Variants in MFAP5 observed in about 807,000 individuals in gnomAD.
MFAP5 encodes microfibril associated protein 5, also known as microfibrillar-associated protein 5.
In MFAP5, 19 loss-of-function variants were observed where a neutral mutation model predicts 30.1. The ratio of observed to expected loss-of-function variants is 0.63; its 90% CI spans 0.44 to 0.93. The LOEUF is 0.93. Among genes scored for constraint, MFAP5 ranks in the 40% least tolerant of loss-of-function variants. MFAP5 has a pLI of 0.00. For synonymous variants in MFAP5, 92 were observed against 72.9 expected, an observed-to-expected ratio of 1.26 and a Z score of -1.33; for missense variants, 210 against 221.3, an observed-to-expected ratio of 0.95 and a Z score of 0.32.
intron 7 of MFAP5, among the ~76,000 whole-genome samples, chr12:8,651,357 G>T (rs1458712418): frequency 2.6e-5 from 4 of 152,078 alleles, no homozygotes; most frequent in African/African-American, 9.7e-5. Flanking sequence ...TGGTAATATG[G>T]AGTCCTTGAA....
intron 8 of MFAP5, 134 bp from the exon 9 acceptor site, chr12:8,649,708 T>C: frequency 1.5e-6 from 1 of 666,284 alleles, no homozygotes; most frequent in Non-Finnish European, 2.6e-6. Flanking sequence ...CCAACTGTAT[T>C]TTCTTAAGTA....
At position 8,662,471 on chromosome 12, in the gene MFAP5, C is replaced by T. The variant is rs368705220; in HGVS notation, c.-3+156G>A. 3.2e-5 allele frequency: 7 copies of T among 219,792 alleles called. No homozygotes were observed. The East Asian group carries it at 6.8e-4, about 21-fold the overall frequency. 13.6% of individuals were successfully genotyped at this position (219,792 alleles called of 1,614,324 possible). On this transcript the variant is annotated intron_variant, in intron 1 of 9. Coordinates refer to ENST00000359478, the MANE Select transcript of MFAP5 (RefSeq NM_003480.4). ...TTTTCATATCATCTGCTCATCTTGG[C>T]GTCTCCTTCATCAGAATTCCACGGT...
Position 8,661,932 on chromosome 12 carries a change from A to G in MFAP5, c.58+115T>C, listed in dbSNP as rs903322375. 2.4e-5 allele frequency: 24 copies of G among 1,019,938 alleles called. No homozygotes were observed. The African/African-American group carries it at 3.6e-4, about 15-fold the overall frequency. The allele number at this position is 1,019,938 out of a possible 1,614,324, so 63.2% of individuals were successfully genotyped here. ...TCTTCTAATAGGAATTCCAGAGCTC[A>G]ATACCAAGCATCTCTACTGCTATTC... On this transcript the variant is annotated intron_variant, in intron 2 of 9. Coordinates refer to ENST00000359478, the MANE Select transcript of MFAP5 (RefSeq NM_003480.4).
intron 3 of MFAP5, among the ~76,000 whole-genome samples, chr12:8,657,924 G>T (rs562575201): frequency 4.6e-4 from 70 of 152,122 alleles, no homozygotes; most frequent in Non-Finnish European, 9.1e-4. Context: ...ATGTAAATCT[G>T]ATGGGAACAA....
chr12:8,652,985 C>T (rs1941878027), intron 6 of MFAP5, among the ~76,000 whole-genome samples: 1 of 151,922 alleles, frequency 6.6e-6, no homozygotes, highest in African/African-American at 2.4e-5. Context: ...AGGTCAGGAG[C>T]TCAAGACCAG....
chr12:8,658,838 T>C (rs1364537090), intron 3 of MFAP5, among the ~76,000 whole-genome samples: 1 of 152,028 alleles, frequency 6.6e-6, no homozygotes, highest in Non-Finnish European at 1.5e-5. Context: ...TTTCTTTTCC[T>C]TTTCTTTTTT....
chr12:8,649,490 C>G lies in MFAP5; in HGVS notation c.409+11G>C, dbSNP rs763031215. The G allele has an allele frequency of 1.2e-6, 2 of 1,611,942 alleles. No homozygotes were observed. Among genetic ancestry groups the G allele is most frequent in the Non-Finnish European group, 1.7e-6 (2 of 1,178,176 alleles). On this transcript the variant is annotated intron_variant, in intron 9 of 9. Coordinates refer to ENST00000359478, the MANE Select transcript of MFAP5 (RefSeq NM_003480.4). ...TGCTTCTCTCCATTAAACATCCAGACATCATCTTACCTTTCATAGCTTCGT... is the reference window on the plus strand; with the variant it reads ...TGCTTCTCTCCATTAAACATCCAGAGATCATCTTACCTTTCATAGCTTCGT...
chr12:8,648,354 G>A, intron 9 of MFAP5, 151 bp from the exon 10 acceptor site: 1 of 896,392 alleles, frequency 1.1e-6, no homozygotes, highest in Non-Finnish European at 1.7e-6. Context: ...ACTTACTTTA[G>A]TTATTTGCCA....
rs749565352 is a variant in MFAP5 at position 8,662,088 on chromosome 12, G to A, written c.17C>T (p.Pro6Leu). ...TGCAGCAAGAAACAGCAGCACCTTG[G>A]GTCCCAAGAGCGACATATCTATAGG... is the stretch of plus-strand genomic sequence containing the variant. MSLLG[P>L]KVLLFLAAFI... Residue 6 changes from proline (P) to leucine (L), a missense_variant, in exon 2 of 10, where the codon CCC (proline) becomes CTC (leucine). Transcript: ENST00000359478. 9.9e-6 allele frequency: 16 copies of A among 1,613,716 alleles called. No homozygotes were observed. Among genetic ancestry groups the A allele is most frequent in the Non-Finnish European group, 1.4e-5 (16 of 1,179,988 alleles).
chr12:8,648,870 G>A (rs1037088467), intron 9 of MFAP5, among the ~76,000 whole-genome samples: 2 of 152,240 alleles, frequency 1.3e-5, no homozygotes, highest in African/African-American at 4.8e-5. Context: ...TGGCCATGGG[G>A]AAGGTGAGAG....
chr12:8,648,603 G>C (rs1442953952), intron 9 of MFAP5: 1 of 1,123,716 alleles, frequency 8.9e-7, no homozygotes, highest in South Asian at 1.3e-5. Flanking sequence ...ACATTTACGT[G>C]CTTACTATGG....
intron 2 of MFAP5, among the ~76,000 whole-genome samples, chr12:8,661,256 G>A (rs1342331735): frequency 2.6e-5 from 4 of 152,034 alleles, no homozygotes; most frequent in African/African-American, 7.2e-5. Context: ...CGGCTTCCCC[G>A]CTAGCTATGC....
chr12:8,651,972 G>A (rs758614293), intron 6 of MFAP5, among the ~76,000 whole-genome samples: 1 of 152,270 alleles, frequency 6.6e-6, no homozygotes, highest in African/African-American at 2.4e-5. Context: ...TTGTTGACAA[G>A]AAGCAAATTT....
intron 6 of MFAP5, among the ~76,000 whole-genome samples, chr12:8,652,698 C>A (rs1297657156): frequency 2.6e-5 from 4 of 152,194 alleles, no homozygotes; most frequent in Non-Finnish European, 5.9e-5. Context: ...ATTCCCAAAC[C>A]TGTATTTCCA....
chr12:8,648,161 A>G lies in MFAP5; in HGVS notation c.452T>C (p.Leu151Pro). 6.2e-7 allele frequency: 1 copy of G among 1,613,944 alleles called. No individual in the cohort carries two copies. The highest frequency in any genetic ancestry group is 8.5e-7 in the Non-Finnish European group (1 of 1,179,866). Residue 151 changes from leucine (L) to proline (P), a missense_variant, in exon 10 of 10, where the codon CTC becomes CCC. Coordinates refer to ENST00000359478, the MANE Select transcript of MFAP5 (RefSeq NM_003480.4). Reference sequence around the variant, plus strand: ...AAGTCGGAAGTAATTGGAGCGACGGAGTCTCCTAGGGGGCAGACCAGCCAT... The same window carrying G: ...AAGTCGGAAGTAATTGGAGCGACGGGGTCTCCTAGGGGGCAGACCAGCCAT... ...RQMAGLPPRRLRRSNYFRLPP... is the reference protein window; with the variant it reads ...RQMAGLPPRRPRRSNYFRLPP...
chr12:8,659,726 T>C (rs750327393), intron 3 of MFAP5, among the ~76,000 whole-genome samples: 1 of 150,972 alleles, frequency 6.6e-6, no homozygotes, highest in South Asian at 2.1e-4. Context: ...GCAAGAAAAA[T>C]ATACTGTACC....
chr12:8,655,485 C>A, intron 4 of MFAP5, 38 bp from the exon 5 acceptor site: 1 of 1,592,114 alleles, frequency 6.3e-7, no homozygotes, highest in Non-Finnish European at 8.6e-7. Flanking sequence ...AAAATGCAGT[C>A]AGGAAAAGTA....
intron 3 of MFAP5, among the ~76,000 whole-genome samples, chr12:8,658,152 C>A (rs1413733540): frequency 6.6e-6 from 1 of 152,042 alleles, no homozygotes; most frequent in Non-Finnish European, 1.5e-5. Context: ...AGTTTGAGAC[C>A]AGTCTGGCCA....
intron 6 of MFAP5, 110 bp from the exon 7 acceptor site, chr12:8,651,801 C>G (rs1016439048): frequency 3.2e-6 from 3 of 936,738 alleles, no homozygotes; most frequent in Non-Finnish European, 5.2e-6. Flanking sequence ...AAATAGGGAG[C>G]AAATGAATTA....
Sources: allele counts gnomAD v4.1 joint callset (sites outside exome capture counted in the v4.1 genomes callset), GRCh38; gene constraint gnomAD v4.1.1; transcripts MANE v1.5; gene names NCBI Gene and HGNC (gene_info 2026-07-23, HGNC 2026-07-21).